The following CPA4 variants were observed in gnomAD, a reference collection of about 807,000 sequenced individuals.
CPA4 encodes carboxypeptidase A3.
A neutral mutation model predicts 54.7 loss-of-function variants in CPA4; 49 were observed. That is an observed-to-expected ratio of 0.90 (90% CI 0.71 to 1.14). CPA4 has a LOEUF of 1.14. Ranked by LOEUF, CPA4 falls within the 50% of genes most tolerant of loss-of-function variation. The pLI is 0.00. For missense variants in CPA4, 487 were observed against 525.1 expected (o/e 0.93, Z 0.71); for synonymous variants, 215 against 206.8 (o/e 1.04, Z -0.34).
chr7:130,303,534 T>C (rs1793771372), intron 4 of CPA4, among the ~76,000 whole-genome samples: 1 of 152,234 alleles, frequency 6.6e-6, no homozygotes, highest in Non-Finnish European at 1.5e-5. Flanking sequence ...TGTGTGTACA[T>C]GTATATGGTG....
intron 9 of CPA4, among the ~76,000 whole-genome samples, chr7:130,311,607 A>G (rs1043557256): frequency 1.7e-4 from 25 of 151,378 alleles, no homozygotes; most frequent in Non-Finnish European, 3.1e-4. Context: ...CCACTCTGCA[A>G]CACCCAACTC....
intron 8 of CPA4, 88 bp downstream of exon 8, chr7:130,308,485 G>A (rs1282247514): frequency 5.7e-6 from 6 of 1,058,204 alleles, no homozygotes; most frequent in African/African-American, 1.6e-5. Context: ...GACGGAGCGC[G>A]TTTCCACTTT....
At chr7:130,312,260 T>C (rs2117154727) in intron 10 of CPA4, 138 bp downstream of exon 10, 1 of 653,678 alleles carries the variant, frequency 1.5e-6, no homozygotes, top group Non-Finnish European at 2.8e-6. Context: ...AACTACATCA[T>C]GCCTGTGTGG....
rs1793924865 is a variant in CPA4, at chr7:130,312,108, C to T, written c.1064C>T (p.Thr355Ile). The stretch of plus-strand genomic sequence containing the variant: ...GGCACTGAGTACCAAGTGGGTCCCA[C>T]CTGCACCACTGTCTGTAAGTACTCG... ...VSGTEYQVGP[T>I]CTTVYPASGS... Residue 355 changes from threonine to isoleucine, a missense_variant, in exon 10 of 11, where the codon ACC (threonine) becomes ATC (isoleucine). Transcript: ENST00000222482. 2 of 1,613,016 alleles carry T rather than the reference C, an allele frequency of 1.2e-6. No individual in the cohort carries two copies. Among genetic ancestry groups the T allele is most frequent in the East Asian group, 2.2e-5 (1 of 44,866 alleles).
At chr7:130,294,171 G>A (rs188903078) in intron 1 of CPA4, among the ~76,000 whole-genome samples, 18 of 152,226 alleles carry the variant, frequency 1.2e-4, no homozygotes, top group East Asian at 9.7e-4. Context: ...GTTAAGGAAC[G>A]CGCTCAAGGC....
At chr7:130,316,498 A>C (rs1793988918) in intron 10 of CPA4, among the ~76,000 whole-genome samples, 1 of 152,178 alleles carries the variant, frequency 6.6e-6, no homozygotes, top group African/African-American at 2.4e-5. Context: ...TAAAGATGGC[A>C]TATCCTGCTT....
chr7:130,300,776 C>A, intron 3 of CPA4, 40 bp from the exon 4 acceptor site: 1 of 1,412,286 alleles, frequency 7.1e-7, no homozygotes, highest in Non-Finnish European at 1.0e-6. Context: ...AAACCTGCGT[C>A]TGCAATGGAT....
rs781273609 is a variant in CPA4 at position 130,310,997 on chromosome 7, G to C, written c.993+11G>C. On this transcript the variant is annotated intron_variant, in intron 9 of 10. Transcript: ENST00000222482. This position sits in a 1 kb window ranked among gnomAD's most constrained non-coding sequence, Gnocchi z 4.3. ...GATGCCGAGGAACTCGTGAGTCACA[G>C]CTGCCTCCCACCCAGCCTGGGGCCC... 5.0e-6 allele frequency: 8 copies of C among 1,611,840 alleles called. No individual in the cohort carries two copies. The Admixed American group carries it at 8.3e-5, about 17-fold the overall frequency.
intron 8 of CPA4, among the ~76,000 whole-genome samples, chr7:130,309,886 C>G (rs1333440934): frequency 6.6e-6 from 1 of 152,194 alleles, no homozygotes. Flanking sequence ...CCACCTCAGC[C>G]TCCCTGGTAG....
intron 9 of CPA4, 58 bp downstream of exon 9, chr7:130,311,044 T>A (rs1179550505): frequency 1.5e-6 from 2 of 1,371,034 alleles, no homozygotes; most frequent in Non-Finnish European, 2.1e-6. Flanking sequence ...CTGGCGCTGC[T>A]AAGGTGGTAG....
chr7:130,314,392 G>A (rs1403803552), intron 10 of CPA4, among the ~76,000 whole-genome samples: 3 of 152,232 alleles, frequency 2.0e-5, no homozygotes, highest in Admixed American at 2.0e-4. Context: ...GGCCCTGGAA[G>A]CAGGATAATC....
chr7:130,297,933 C>A (rs377039187), intron 1 of CPA4, among the ~76,000 whole-genome samples: 1 of 152,186 alleles, frequency 6.6e-6, no homozygotes, highest in Admixed American at 6.5e-5. Flanking sequence ...CCCCTGCCGC[C>A]GCTGCAGAAG....
rs749730425 is a variant in CPA4, at chr7:130,299,348, A to G, written c.229A>G (p.Lys77Glu). 2.5e-6 allele frequency: 4 copies of G among 1,613,918 alleles called. No homozygotes were observed. In the South Asian group the frequency reaches 4.4e-5, roughly 18 times the overall value. Residue 77 changes from lysine to glutamate, a missense_variant, in exon 3 of 11, where the codon AAA (lysine) becomes GAA (glutamate). Lys to Glu is a moderately conservative substitution (Grantham distance 56). Coordinates refer to ENST00000222482, the MANE Select transcript of CPA4 (RefSeq NM_016352.4). Reference sequence around the variant, plus strand: ...CCCATCTGTCAGTCTGCAGGCATTTAAATCCTTCCTGAGATCCCAGGGCTT... The same window carrying G: ...CCCATCTGTCAGTCTGCAGGCATTTGAATCCTTCCTGAGATCCCAGGGCTT... ...LVPSVSLQAFKSFLRSQGLEY... is the reference protein window; with the variant it reads ...LVPSVSLQAFESFLRSQGLEY...
At chr7:130,297,184 G>A (rs146278064) in intron 1 of CPA4, among the ~76,000 whole-genome samples, 27 of 152,218 alleles carry the variant, frequency 1.8e-4, no homozygotes, top group African/African-American at 6.3e-4. Flanking sequence ...TGACCTCCTG[G>A]CCTCAAGCAA....
chr7:130,299,401 G>A lies in CPA4; in HGVS notation c.282G>A (p.Leu94=). 6.2e-7 allele frequency: 1 copy of A among 1,614,130 alleles called. No homozygotes were observed. The highest frequency in any genetic ancestry group is 8.5e-7 in the Non-Finnish European group (1 of 1,179,970). ...AGTACGCAGTGACAATTGAGGACCT[G>A]CAGGTAGGTAGACTATGCCTCCTGC... The part of the protein sequence containing the change: ...GLEYAVTIED[L]QALLDNEDDE... The change falls in exon 3 of 11, where the codon CTG becomes CTA. Residue 94 remains leucine (L), a synonymous_variant. Coordinates refer to ENST00000222482, the MANE Select transcript of CPA4 (RefSeq NM_016352.4).
chr7:130,295,210 G>A (rs1232569745), intron 1 of CPA4, among the ~76,000 whole-genome samples: 1 of 152,228 alleles, frequency 6.6e-6, no homozygotes, highest in Non-Finnish European at 1.5e-5. Flanking sequence ...AGGCAGATGA[G>A]AAAGGCACAA....
chr7:130,322,747 C>A lies in CPA4; in HGVS notation c.*71C>A. On this transcript the variant is annotated 3_prime_UTR_variant, in exon 11 of 11. Coordinates refer to ENST00000222482, the MANE Select transcript of CPA4 (RefSeq NM_016352.4). ...CGCACTGAGGCCATTGTTAAAGGAGCTCTTTCCTACCTGTGTGAGTCAGAG... is the reference window on the plus strand; with the variant it reads ...CGCACTGAGGCCATTGTTAAAGGAGATCTTTCCTACCTGTGTGAGTCAGAG... 6.8e-7 allele frequency: 1 copy of A among 1,463,874 alleles called. No individual in the cohort carries two copies. The highest frequency in any genetic ancestry group is 9.3e-7 in the Non-Finnish European group (1 of 1,076,236). The allele number at this position is 1,463,874 out of a possible 1,614,324, so 90.7% of individuals were successfully genotyped here. A position where few individuals can be genotyped will look rare whatever the true frequency, so the allele number is the denominator to read the frequency against.
At chr7:130,321,776 G>C (rs1455124687) in intron 10 of CPA4, among the ~76,000 whole-genome samples, 2 of 152,180 alleles carry the variant, frequency 1.3e-5, no homozygotes, top group Non-Finnish European at 2.9e-5. Context: ...CACGAGAACA[G>C]TATGGGGGAA....
rs571394247 is a variant in CPA4 at position 130,315,059 on chromosome 7, G to A, written c.1078+2937G>A. ...GGGGAGTCCTTGGAGTTTTGCTGCC[G>A]TGGGTGTAGTAAGGATGATCTGGTA... is the stretch of plus-strand genomic sequence containing the variant. On this transcript the variant is annotated intron_variant, in intron 10 of 10. Coordinates refer to ENST00000222482, the MANE Select transcript of CPA4 (RefSeq NM_016352.4). Among the ~76,000 whole-genome samples the A allele has an allele frequency of 1.2e-4, 18 of 151,946 alleles. No homozygotes were observed. In the East Asian group the frequency reaches 2.1e-3, roughly 18 times the overall value.
Sources: allele counts gnomAD v4.1 joint callset (sites outside exome capture counted in the v4.1 genomes callset), GRCh38; gene constraint gnomAD v4.1.1; non-coding constraint Gnocchi (gnomAD v3.1); transcripts MANE v1.5; gene names NCBI Gene and HGNC (gene_info 2026-07-23, HGNC 2026-07-21).